NCOA3: variants seen among roughly 807,000 people sequenced by gnomAD.
NCOA3 encodes nuclear receptor coactivator 3, also known as CBP-interacting protein.
In NCOA3, 51 loss-of-function variants were observed where a neutral mutation model predicts 158.8. That is an observed-to-expected ratio of 0.32 (90% confidence interval 0.26 to 0.41). NCOA3 has a LOEUF of 0.41. Ranked by LOEUF, NCOA3 falls within the 10% of genes least tolerant of loss-of-function variation. The pLI, the probability that NCOA3 is intolerant of heterozygous loss-of-function variation, is 1.00. For synonymous variants in NCOA3, 537 were observed against 592.4 expected, an observed-to-expected ratio of 0.91 and a Z score of 1.36; for missense variants, 1,510 against 1,746.6, an observed-to-expected ratio of 0.86 and a Z score of 2.41.
intron 16 of NCOA3, 39 bp downstream of exon 16, chr20:47,640,090 A>G (rs1421853381): frequency 6.2e-7 from 1 of 1,613,292 alleles, no homozygotes; most frequent in South Asian, 1.1e-5. Flanking sequence ...AAATCTCAGC[A>G]TTGGGTAGTT....
intron 8 of NCOA3, among the ~76,000 whole-genome samples, chr20:47,631,924 G>C (rs908320863): frequency 1.3e-5 from 2 of 152,186 alleles, no homozygotes; most frequent in Admixed American, 6.5e-5. Context: ...TCTGACCCCA[G>C]ATGTATTTTT....
At chr20:47,603,118 T>A (rs922367807) in intron 2 of NCOA3, among the ~76,000 whole-genome samples, 28 of 152,220 alleles carry the variant, frequency 1.8e-4, no homozygotes, top group African/African-American at 6.5e-4. Flanking sequence ...TTAGAAAACA[T>A]TTTAAGTGCC....
At chr20:47,592,688 G>A (rs1315897640) in intron 2 of NCOA3, among the ~76,000 whole-genome samples, 1 of 152,168 alleles carries the variant, frequency 6.6e-6, no homozygotes, top group African/African-American at 2.4e-5. Context: ...CTTCTAATAA[G>A]TTGCTGTCAG....
Position 47,637,678 on chromosome 20 carries a change from ATTC to A in NCOA3, c.2410_2412del (p.Leu804del), listed in dbSNP as rs757527565. On this transcript the variant is annotated inframe_deletion, in exon 13 of 23. Coordinates refer to ENST00000371998, the MANE Select transcript of NCOA3 (RefSeq NM_181659.3). ...TGGAGACTTGGATAATCTAGATGCTATTCTTGGTGATCTGACTAGTTCTGACTT... is the reference window on the plus strand; with the variant it reads ...TGGAGACTTGGATAATCTAGATGCTATTGGTGATCTGACTAGTTCTGACTT... 3.7e-6 allele frequency: 6 copies of A among 1,609,638 alleles called. No individual in the cohort carries two copies. Among genetic ancestry groups the A allele is most frequent in the Non-Finnish European group, 5.1e-6 (6 of 1,178,272 alleles).
chr20:47,522,254 C>T (rs1346725012), intron 1 of NCOA3, among the ~76,000 whole-genome samples: 2 of 151,654 alleles, frequency 1.3e-5, no homozygotes, highest in African/African-American at 4.8e-5. Flanking sequence ...AGGTGCCCGC[C>T]ACCACGCCCG....
rs756460176 is a variant in NCOA3 at position 47,651,265 on chromosome 20, A to G, written c.3935A>G (p.Gln1312Arg). The stretch of plus-strand genomic sequence containing the variant: ...GCTCCTCCGCAACAGTTTCCATATC[A>G]ACCAAATTATGGTAAATCTGACAAT... ...PQAPPQQFPYQPNYGMGQQPD... is the reference protein window; with the variant it reads ...PQAPPQQFPYRPNYGMGQQPD... The change falls in exon 20 of 23, where the codon CAA becomes CGA. Residue 1312 changes from glutamine (Q) to arginine (R), a missense_variant. Transcript: ENST00000371998. 1 of 1,604,656 alleles carries G rather than the reference A, an allele frequency of 6.2e-7. No homozygotes were observed. The highest frequency in any genetic ancestry group is 8.5e-7 in the Non-Finnish European group (1 of 1,172,480).
chr20:47,561,720 C>A (rs773121286), intron 1 of NCOA3, among the ~76,000 whole-genome samples: 4 of 152,080 alleles, frequency 2.6e-5, no homozygotes, highest in African/African-American at 4.8e-5. Context: ...TCAGCAACTC[C>A]CTGCCAGAGT....
chr20:47,544,995 C>T (rs1165382207), intron 1 of NCOA3, among the ~76,000 whole-genome samples: 1 of 152,110 alleles, frequency 6.6e-6, no homozygotes, highest in Non-Finnish European at 1.5e-5. Context: ...TTGTCTGCAG[C>T]TTTAATAGTT....
intron 2 of NCOA3, among the ~76,000 whole-genome samples, chr20:47,600,156 T>C (rs968223550): frequency 7.0e-6 from 1 of 142,092 alleles, no homozygotes; most frequent in Non-Finnish European, 1.5e-5. Context: ...ATTTTATATA[T>C]TTTATATATA....
rs1272329016 is a variant in NCOA3, at chr20:47,651,127, A to AGC, written c.3797_3798insGC (p.Gln1267HisfsTer21). The AGC allele has an allele frequency of 5.0e-6, 8 of 1,609,396 alleles. No individual in the cohort carries two copies. The East Asian group carries it at 1.8e-4, about 36-fold the overall frequency. ...CAGCAGCAGCAGCAGCAGCAACAGC[A>AGC]ACAGCAACAGCAACAGCAGCAACAG... On this transcript the variant is annotated frameshift_variant, in exon 20 of 23. Transcript: ENST00000371998. LOFTEE classifies it high-confidence loss of function.
chr20:47,558,052 T>A (rs2146172917), intron 1 of NCOA3, among the ~76,000 whole-genome samples: 1 of 145,034 alleles, frequency 6.9e-6, no homozygotes, highest in East Asian at 2.0e-4. Context: ...TTTGTCTAAA[T>A]TTCTTTCTTT....
Position 47,621,654 on chromosome 20 carries a change from A to ATTTT in NCOA3, c.-19-561_-19-558dup, listed in dbSNP as rs749582388. The stretch of plus-strand genomic sequence containing the variant: ...AGCATACTATTTTTCCATCAGTCAA[A>ATTTT]TTTTTTTTTTTTTTTTTGAGACGGA... On this transcript the variant is annotated intron_variant, in intron 2 of 22. Transcript: ENST00000371998. Among the ~76,000 whole-genome samples the ATTTT allele has an allele frequency of 7.2e-4, 86 of 119,790 alleles. 1 individual carries two copies. The highest frequency in any genetic ancestry group is 2.5e-3 in the Admixed American group (28 of 11,392). The allele number at this position is 119,790 out of a possible 152,430, so 78.6% of individuals were successfully genotyped here.
chr20:47,505,222 C>T (rs1228978518), intron 1 of NCOA3, among the ~76,000 whole-genome samples: 6 of 150,860 alleles, frequency 4.0e-5, no homozygotes, highest in South Asian at 4.2e-4. Context: ...CCACCACGCC[C>T]GGCTATTTTT....
rs200019753 is a variant in NCOA3 at position 47,635,334 on chromosome 20, A to G, written c.1125A>G (p.Gly375=). ...GTTTGTTTTGCAGAGAACAGAATGG[A>G]TATAGACCAAACCCAAATCCTGTTG... ...STHFLQREQN[G]YRPNPNPVGQ... The change falls in exon 11 of 23, where the codon GGA becomes GGG. Residue 375 remains glycine (G), a synonymous_variant. Transcript: ENST00000371998. 1 of 1,601,710 alleles carries G rather than the reference A, an allele frequency of 6.2e-7. No individual in the cohort carries two copies. The highest frequency in any genetic ancestry group is 8.5e-7 in the Non-Finnish European group (1 of 1,170,028).
At chr20:47,618,314 C>G (rs1261222040) in intron 2 of NCOA3, among the ~76,000 whole-genome samples, 1 of 145,292 alleles carries the variant, frequency 6.9e-6, no homozygotes, top group African/African-American at 2.5e-5. Flanking sequence ...GGGTAAACAC[C>G]TTTTTCATGA....
chr20:47,553,133 C>A (rs1232024880), intron 1 of NCOA3, among the ~76,000 whole-genome samples: 1 of 151,998 alleles, frequency 6.6e-6, no homozygotes, highest in East Asian at 1.9e-4. Context: ...CGGGGTTTCG[C>A]CATGTTGCTC....
At chr20:47,518,104 T>G (rs191303177) in intron 1 of NCOA3, among the ~76,000 whole-genome samples, 31 of 152,024 alleles carry the variant, frequency 2.0e-4, no homozygotes, top group Admixed American at 1.9e-3. Context: ...CCTAATACTC[T>G]GGGAGGTCGA....
intron 3 of NCOA3, chr20:47,623,019 A>G (rs1439921248): frequency 6.6e-6 from 1 of 152,238 alleles, no homozygotes; most frequent in Non-Finnish European, 1.5e-5. Context: ...TGACAGTTAT[A>G]AGTAAGAATC....
intron 2 of NCOA3, among the ~76,000 whole-genome samples, chr20:47,587,173 T>A (rs761137241): frequency 4.6e-5 from 7 of 152,208 alleles, no homozygotes; most frequent in Non-Finnish European, 8.8e-5. Flanking sequence ...TAGCCCTATG[T>A]ATTGGTGATG....
Sources: gnomAD v4.1 joint callset for allele counts (sites outside exome capture counted in the v4.1 genomes callset) on GRCh38, gnomAD v4.1.1 for gene constraint, MANE v1.5 for transcripts, NCBI Gene and HGNC (gene_info 2026-07-23, HGNC 2026-07-21) for gene names.